The following FLT3 variants were observed in gnomAD, a reference collection of about 807,000 sequenced individuals.
FLT3 encodes receptor-type tyrosine-protein kinase FLT3.
Under a neutral mutation model 126.6 loss-of-function variants are expected in FLT3, and 46 were observed. The ratio of observed to expected loss-of-function variants is 0.36; its 90% CI spans 0.29 to 0.46. The LOEUF (loss-of-function observed/expected upper bound fraction) is 0.46. FLT3 is among the 20% of genes least tolerant of loss of function. FLT3 has a pLI of 1.00. For synonymous variants in FLT3, 404 were observed against 434.4 expected, an observed-to-expected ratio of 0.93 and a Z score of 0.87; for missense variants, 1,069 against 1,190.3, an observed-to-expected ratio of 0.90 and a Z score of 1.50.
chr13:28,066,212 C>T (rs1314275493), intron 2 of FLT3, among the ~76,000 whole-genome samples: 3 of 152,116 alleles, frequency 2.0e-5, no homozygotes, highest in Admixed American at 6.5e-5. Flanking sequence ...AAATACTGTC[C>T]TTTAGTTAGT....
intron 8 of FLT3, 106 bp from the exon 9 acceptor site, chr13:28,048,549 C>T (rs1228336248): frequency 6.5e-6 from 5 of 766,294 alleles, no homozygotes; most frequent in Non-Finnish European, 1.0e-5. Flanking sequence ...CAGGAAAACT[C>T]AAGTGTTGGC....
intron 5 of FLT3, among the ~76,000 whole-genome samples, chr13:28,051,533 A>G (rs111918573): frequency 0.2 from 28,251 of 144,786 alleles, 2,784 homozygotes; most frequent in Middle Eastern, 0.29. Flanking sequence ...CACTGTGCCC[A>G]GCCTATAATT....
At position 28,075,097 on chromosome 13, in the gene FLT3, A is replaced by C. The variant is rs142792813; in HGVS notation, c.44-4485T>G. Among the ~76,000 whole-genome samples, 1,322 of 152,330 alleles carry C rather than the reference A, an allele frequency of 8.7e-3. 77 individuals carry two copies. Among genetic ancestry groups the C allele is most frequent in the Admixed American group, 0.076 (1,163 of 15,298 alleles). On this transcript the variant is annotated intron_variant, in intron 1 of 23. Coordinates refer to ENST00000241453, the MANE Select transcript of FLT3 (RefSeq NM_004119.3). ...AGATTGCTCATTTTAAAAAGTATTG[A>C]GTATTGTATAATTGACAAAAATATA...
Position 28,100,533 on chromosome 13 carries a change from C to T in FLT3, c.-23G>A. On this transcript the variant is annotated 5_prime_UTR_variant, in exon 1 of 24. Coordinates refer to ENST00000241453, the MANE Select transcript of FLT3 (RefSeq NM_004119.3). The surrounding 1 kb of genome is among the most constrained non-coding windows in gnomAD (Gnocchi z 4.8). Reference sequence around the variant, plus strand: ...CATGGCCTCCGGAGCCCGGGGTCCCCAGGCCGCGCCGGCCCAGCCCTGCGA... The same window carrying T: ...CATGGCCTCCGGAGCCCGGGGTCCCTAGGCCGCGCCGGCCCAGCCCTGCGA... The T allele has an allele frequency of 8.3e-7, 1 of 1,211,106 alleles. No homozygotes were observed. Among genetic ancestry groups the T allele is most frequent in the Non-Finnish European group, 1.0e-6 (1 of 974,240 alleles). 75.0% of individuals were successfully genotyped at this position (1,211,106 alleles called of 1,614,324 possible). A position where few individuals can be genotyped will look rare whatever the true frequency, so the allele number is the denominator to read the frequency against.
intron 17 of FLT3, chr13:28,025,350 A>G: frequency 2.2e-6 from 1 of 447,176 alleles, no homozygotes; most frequent in Admixed American, 2.6e-5. Context: ...TCTTCCCGAG[A>G]GTCCCGTAAG....
At chr13:28,016,580 C>A (rs1871883579) in intron 20 of FLT3, among the ~76,000 whole-genome samples, 1 of 152,150 alleles carries the variant, frequency 6.6e-6, no homozygotes, top group Non-Finnish European at 1.5e-5. Flanking sequence ...TACTGATTTT[C>A]TTTTACATGG....
intron 1 of FLT3, among the ~76,000 whole-genome samples, chr13:28,080,282 A>G (rs1878233391): frequency 1.3e-5 from 2 of 152,244 alleles, no homozygotes; most frequent in Admixed American, 1.3e-4. Flanking sequence ...AGGCTGAGGC[A>G]CCAGAATTGC....
intron 2 of FLT3, among the ~76,000 whole-genome samples, chr13:28,065,417 G>A (rs1876926727): frequency 6.6e-6 from 1 of 152,040 alleles, no homozygotes; most frequent in Non-Finnish European, 1.5e-5. Flanking sequence ...CAAGGCAAGA[G>A]GATCACTTGA....
Position 28,017,814 on chromosome 13 carries a change from G to A in FLT3, c.2541+653C>T, listed in dbSNP as rs576655942. 2.6e-4 allele frequency among the ~76,000 whole-genome samples: 39 copies of A among 152,028 alleles called. No homozygotes were observed. In the South Asian group the frequency reaches 5.6e-3, roughly 22 times the overall value. ...CGAATAGTTGGGATTACAGGCACAC[G>A]CCACCACGCCCAGCTAATTTTTTGT... On this transcript the variant is annotated intron_variant, in intron 20 of 23. Transcript: ENST00000241453.
chr13:28,019,404 A>G (rs2504227), intron 19 of FLT3, among the ~76,000 whole-genome samples: 152,063 of 152,296 alleles, frequency 1, 75,915 homozygotes, highest in Middle Eastern at 1. Context: ...CCTGAGCTGA[A>G]AGATGTCGTG....
intron 9 of FLT3, among the ~76,000 whole-genome samples, chr13:28,038,017 T>G (rs961359889): frequency 2.0e-5 from 3 of 152,130 alleles, no homozygotes; most frequent in Non-Finnish European, 4.4e-5. Context: ...GCCAAAAACG[T>G]TGGGGACTGC....
chr13:28,029,021 A>C (rs972003417), intron 15 of FLT3, among the ~76,000 whole-genome samples: 2 of 152,076 alleles, frequency 1.3e-5, no homozygotes, highest in South Asian at 4.1e-4. Context: ...GATTCAAGCA[A>C]TCCTCCCAAC....
At chr13:28,080,357 C>CAG (rs567406192) in intron 1 of FLT3, among the ~76,000 whole-genome samples, 95 of 152,300 alleles carry the variant, frequency 6.2e-4, no homozygotes, top group Admixed American at 5.6e-3. Context: ...GCCTTGGTGA[C>CAG]AGAGAGAGAC....
At chr13:28,038,546 G>A (rs897313036) in intron 9 of FLT3, among the ~76,000 whole-genome samples, 4 of 150,464 alleles carry the variant, frequency 2.7e-5, no homozygotes, top group African/African-American at 4.9e-5. Flanking sequence ...TCTGCCTCCC[G>A]GGTTCCCACC....
chr13:28,028,358 T>C (rs1873001786), intron 15 of FLT3, 70 bp from the exon 16 acceptor site: 2 of 820,914 alleles, frequency 2.4e-6, no homozygotes, highest in Middle Eastern at 6.0e-4. Context: ...TTAAATAAAA[T>C]TTTTCTCAGC....
At chr13:28,053,397 G>GATATATATATATAGATATATATATAT (rs1875720924) in intron 4 of FLT3, among the ~76,000 whole-genome samples, 1 of 134,882 alleles carries the variant, frequency 7.4e-6, no homozygotes, top group African/African-American at 3.1e-5. Flanking sequence ...TGTACTGTTT[G>GATATATATATATAGATATATATATAT]ATATATATAT....
intron 23 of FLT3, among the ~76,000 whole-genome samples, chr13:28,012,853 C>A (rs947422854): frequency 6.6e-6 from 1 of 151,932 alleles, no homozygotes; most frequent in Non-Finnish European, 1.5e-5. Context: ...GGGAGGATTG[C>A]TTGAGCTCAC....
In FLT3 at chr13:28,050,589, C is replaced by T. The variant is rs59324859; in HGVS notation, c.615-367G>A. On this transcript the variant is annotated intron_variant, in intron 5 of 23. Coordinates refer to ENST00000241453, the MANE Select transcript of FLT3 (RefSeq NM_004119.3). The stretch of plus-strand genomic sequence containing the variant: ...AGAGAAGAGAAAAAGCATGATTGGG[C>T]TTTCATGAAGTTTAGCAAGGTAAGC... Among the ~76,000 whole-genome samples, 520 of 152,126 alleles carry T rather than the reference C, an allele frequency of 3.4e-3. 2 individuals are homozygous for T. Among genetic ancestry groups the T allele is most frequent in the African/African-American group, 0.011 (454 of 41,486 alleles).
In FLT3 at chr13:28,034,445, T is replaced by G. The variant is rs768712781; in HGVS notation, c.1598-38A>C. 4 of 1,400,994 alleles carry G rather than the reference T, an allele frequency of 2.9e-6. No individual in the cohort carries two copies. In the East Asian group the frequency reaches 9.1e-5, roughly 32 times the overall value. 86.8% of individuals were successfully genotyped at this position (1,400,994 alleles called of 1,614,324 possible). ...AGTGTCACTCAGCGATGAAACAGAATTCCTGTGTGACATTATAAATAGTGG... is the reference window on the plus strand; with the variant it reads ...AGTGTCACTCAGCGATGAAACAGAAGTCCTGTGTGACATTATAAATAGTGG... On this transcript the variant is annotated intron_variant, in intron 12 of 23. Transcript: ENST00000241453.
Sources: gnomAD v4.1 joint callset for allele counts (sites outside exome capture counted in the v4.1 genomes callset) on GRCh38, gnomAD v4.1.1 for gene constraint, Gnocchi (gnomAD v3.1) non-coding constraint, MANE v1.5 for transcripts, NCBI Gene and HGNC (gene_info 2026-07-23, HGNC 2026-07-21) for gene names.